METTL21A: variants seen among roughly 807,000 people sequenced by gnomAD.
The protein encoded by METTL21A is protein N-lysine methyltransferase METTL21A.
A neutral mutation model predicts 20.9 loss-of-function variants in METTL21A; 22 were observed. The observed-to-expected ratio is 1.05, with a 90% CI of 0.75 to 1.50. The LOEUF is 1.50. METTL21A is among the 40% of genes most tolerant of loss of function. METTL21A has a pLI of 0.00. For synonymous variants in METTL21A, 93 were observed against 102.0 expected, an observed-to-expected ratio of 0.91 and a Z score of 0.53; for missense variants, 271 against 266.8, an observed-to-expected ratio of 1.02 and a Z score of -0.11.
At chr2:207,624,937 G>A (rs1335220064) in intron 1 of METTL21A, 125 bp downstream of exon 1, 1 of 152,234 alleles carries the variant, frequency 6.6e-6, no homozygotes, top group African/African-American at 2.4e-5. Context: ...AGAAATACAT[G>A]GTCGCCGCAG....
At chr2:207,585,570 CAGATCTCAA>C (rs577093448) in intron 3 of METTL21A, among the ~76,000 whole-genome samples, 66 of 152,126 alleles carry the variant, frequency 4.3e-4, no homozygotes, top group Non-Finnish European at 7.5e-4. Flanking sequence ...TTTCCACTAA[CAGATCTCAA>C]AGAACCAGGT....
chr2:207,624,388 C>T, exon 2 of METTL21A: 4 of 1,611,102 alleles, frequency 2.5e-6, no homozygotes, highest in Non-Finnish European at 3.4e-6. Flanking sequence ...CGCCTGCACC[C>T]CGCCCTCTGC....
exon 4 of METTL21A, chr2:207,581,913 G>C: frequency 1.4e-6 from 1 of 702,838 alleles, no homozygotes; most frequent in Non-Finnish European, 2.6e-6. Flanking sequence ...TTTTCTTTTA[G>C]AATATCCCTC....
intron 3 of METTL21A, chr2:207,620,887 A>G: frequency 2.0e-6 from 1 of 507,720 alleles, no homozygotes; most frequent in East Asian, 3.3e-5. Flanking sequence ...TCTGTAGACA[A>G]TGCGATGGGT....
chr2:207,613,118 C>T, exon 4 of METTL21A: 1 of 1,611,294 alleles, frequency 6.2e-7, no homozygotes, highest in Non-Finnish European at 8.5e-7. Context: ...CGTAGTGAAC[C>T]TTTCTCACAG....
At chr2:207,618,618 G>A (rs955248386) in intron 3 of METTL21A, among the ~76,000 whole-genome samples, 7 of 152,114 alleles carry the variant, frequency 4.6e-5, no homozygotes, top group Non-Finnish European at 1.0e-4. Context: ...CAGGAGAATC[G>A]CTAGAACCCG....
chr2:207,612,445 T>A (rs1575113671), downstream of METTL21A: 1 of 69,932 alleles, frequency 1.4e-5, no homozygotes, highest in Non-Finnish European at 2.7e-5. Context: ...TATTTTTACT[T>A]AATTCCTTTA....
At chr2:207,621,522 T>C (rs934204388) in intron 3 of METTL21A, among the ~76,000 whole-genome samples, 5 of 152,208 alleles carry the variant, frequency 3.3e-5, no homozygotes, top group East Asian at 3.9e-4. Flanking sequence ...GATCGTATTA[T>C]TGGCATCACA....
chr2:207,582,066 T>G (rs1374320582), exon 4 of METTL21A: 1 of 700,364 alleles, frequency 1.4e-6, no homozygotes, highest in Non-Finnish European at 2.6e-6. Flanking sequence ...TTTGATCACT[T>G]GGTTAAAGTG....
rs141929253 is a variant in METTL21A at position 207,582,834 on chromosome 2, A to T, written c.260-674T>A. The T allele has an allele frequency of 2.7e-3, 896 of 333,098 alleles. 10 individuals carry two copies. The highest frequency in any genetic ancestry group is 4.6e-3 in the Non-Finnish European group (755 of 165,756). The allele number at this position is 333,098 out of a possible 1,614,324, so 20.6% of individuals were successfully genotyped here. On this transcript the variant is annotated intron_variant, in intron 3 of 3. Transcript: ENST00000425132. ...TGCGAACCTGGGAGGTGGAAGTTGC[A>T]GTGAGCTGAGATGGCACTACTACTC...
At chr2:207,613,522 A>G (rs2089272045) in intron 3 of METTL21A, 79 bp from the exon 4 acceptor site, 2 of 1,325,592 alleles carry the variant, frequency 1.5e-6, no homozygotes, top group African/African-American at 2.9e-5. Context: ...AGTTAAATGT[A>G]GAGTGTCTCT....
intron 3 of METTL21A, 102 bp downstream of exon 3, chr2:207,621,704 A>T (rs1575156551): frequency 9.0e-6 from 9 of 998,114 alleles, no homozygotes; most frequent in Non-Finnish European, 1.3e-5. Context: ...AAAGATAATA[A>T]CCCAGTAAGG....
intron 3 of METTL21A, chr2:207,601,779 G>C (rs902149968): frequency 4.6e-6 from 1 of 218,660 alleles, no homozygotes; most frequent in Non-Finnish European, 9.2e-6. Context: ...AGAAAGTAAA[G>C]TGTGCATAGT....
At position 207,613,461 on chromosome 2, in the gene METTL21A, G is replaced by C. The variant is rs1432425240; in HGVS notation, c.260-18C>G. ...ATGAGCACCTACAATGTGGAACAAA[G>C]AAAAAGTGATGTGTACATCAGTACA... On this transcript the variant is annotated intron_variant, in intron 3 of 3. Coordinates refer to ENST00000406927, the Ensembl canonical transcript of METTL21A. 6.4e-7 allele frequency: 1 copy of C among 1,550,890 alleles called. No homozygotes were observed. The highest frequency in any genetic ancestry group is 2.0e-5 in the Admixed American group (1 of 49,668).
At chr2:207,600,015 T>G (rs1250626752) in intron 3 of METTL21A, 3 of 189,854 alleles carry the variant, frequency 1.6e-5, no homozygotes, top group Non-Finnish European at 3.3e-5. Flanking sequence ...ATTTTTGATA[T>G]ATTACTCTTA....
intron 3 of METTL21A, chr2:207,600,824 CT>C: frequency 9.6e-6 from 2 of 207,432 alleles, no homozygotes; most frequent in Admixed American, 5.9e-5. Context: ...TCATTTCTAC[CT>C]TTTGGGGTGA....
downstream of METTL21A, among the ~76,000 whole-genome samples, chr2:207,607,995 C>G (rs540112930): frequency 1.7e-3 from 256 of 152,216 alleles, 1 homozygote; most frequent in African/African-American, 6.0e-3. Flanking sequence ...ACACCCCACA[C>G]CTGAAACACT....
chr2:207,619,095 C>CAGGAACT (rs995359773), intron 3 of METTL21A, among the ~76,000 whole-genome samples: 1 of 151,540 alleles, frequency 6.6e-6, no homozygotes, highest in African/African-American at 2.4e-5. Flanking sequence ...CCTCAGAACA[C>CAGGAACT]AGGAACTACT....
At chr2:207,585,289 A>G (rs541311765) in intron 3 of METTL21A, among the ~76,000 whole-genome samples, 6 of 152,354 alleles carry the variant, frequency 3.9e-5, no homozygotes, top group African/African-American at 1.4e-4. Context: ...AAGCCACTGA[A>G]GAAATCATAG....
Sources: allele counts gnomAD v4.1 joint callset (sites outside exome capture counted in the v4.1 genomes callset), GRCh38; gene constraint gnomAD v4.1.1; transcripts MANE v1.5; gene names NCBI Gene and HGNC (gene_info 2026-07-23, HGNC 2026-07-21).